Variants in GMDS observed in about 807,000 individuals in gnomAD.
GMDS encodes the protein GDP-mannose 4,6 dehydratase.
In GMDS, 20 loss-of-function variants were observed where a neutral mutation model predicts 49.9. The ratio of observed to expected loss-of-function variants is 0.40; its 90% CI spans 0.28 to 0.58. The LOEUF is 0.58. Ranked by LOEUF, GMDS falls within the 20% of genes least tolerant of loss-of-function variation. The pLI is 0.42. For missense variants in GMDS, 362 were observed against 481.4 expected (o/e 0.75, Z 2.32); for synonymous variants, 177 against 178.6 (o/e 0.99, Z 0.07).
At chr6:1,825,576 C>T (rs1404092582) in intron 7 of GMDS, among the ~76,000 whole-genome samples, 1 of 152,188 alleles carries the variant, frequency 6.6e-6, no homozygotes, top group Non-Finnish European at 1.5e-5. Flanking sequence ...GTCTACTATA[C>T]AACTAGGCCA....
intron 9 of GMDS, among the ~76,000 whole-genome samples, chr6:1,649,285 C>T (rs1388962719): frequency 6.6e-6 from 1 of 152,170 alleles, no homozygotes; most frequent in African/African-American, 2.4e-5. Context: ...TGTGATTCAC[C>T]TCAACCCGTG....
intron 4 of GMDS, among the ~76,000 whole-genome samples, chr6:1,973,163 A>G (rs1764712885): frequency 1.3e-5 from 2 of 152,228 alleles, no homozygotes; most frequent in Non-Finnish European, 2.9e-5. Context: ...ATTGCTACAT[A>G]ACCAATTGCT....
intron 4 of GMDS, among the ~76,000 whole-genome samples, chr6:2,023,676 C>A (rs556257325): frequency 1.3e-5 from 2 of 152,324 alleles, no homozygotes; most frequent in Admixed American, 6.5e-5. Flanking sequence ...AAGCACTAAA[C>A]TGATTTTTCA....
intron 7 of GMDS, among the ~76,000 whole-genome samples, chr6:1,764,001 A>G (rs1307486225): frequency 3.3e-5 from 5 of 152,286 alleles, no homozygotes; most frequent in Non-Finnish European, 5.9e-5. Context: ...TGCAGGGGAA[A>G]GACAGAGCGG....
intron 6 of GMDS, among the ~76,000 whole-genome samples, chr6:1,959,124 A>G (rs963445184): frequency 6.6e-6 from 1 of 152,236 alleles, no homozygotes; most frequent in African/African-American, 2.4e-5. Context: ...CTTAAAGAAT[A>G]TAAAATTATA....
intron 4 of GMDS, among the ~76,000 whole-genome samples, chr6:1,975,885 G>A (rs1354078336): frequency 1.3e-5 from 2 of 152,188 alleles, no homozygotes; most frequent in Non-Finnish European, 2.9e-5. Flanking sequence ...AATAAGCAGA[G>A]TAGAAAGCAG....
At chr6:2,146,055 T>G (rs1776543591) in intron 1 of GMDS, among the ~76,000 whole-genome samples, 1 of 152,216 alleles carries the variant, frequency 6.6e-6, no homozygotes, top group South Asian at 2.1e-4. Flanking sequence ...TGAAAGATCC[T>G]GAGTTTTCAT....
At chr6:2,006,288 A>T (rs6899584) in intron 4 of GMDS, among the ~76,000 whole-genome samples, 69,579 of 150,660 alleles carry the variant, frequency 0.46, 16,294 homozygotes, top group African/African-American at 0.53. Flanking sequence ...AATAGCCAAG[A>T]GTAGTGGCCC....
intron 7 of GMDS, among the ~76,000 whole-genome samples, chr6:1,927,658 G>A (rs1483358766): frequency 1.3e-5 from 2 of 152,222 alleles, no homozygotes; most frequent in Non-Finnish European, 2.9e-5. Flanking sequence ...GAAGTGTTGT[G>A]CCCAGATGTG....
At chr6:2,003,365 C>T (rs932170509) in intron 4 of GMDS, among the ~76,000 whole-genome samples, 3 of 152,092 alleles carry the variant, frequency 2.0e-5, no homozygotes, top group African/African-American at 7.2e-5. Flanking sequence ...ATTAGGAAAC[C>T]ATAAGTAAAA....
At chr6:1,726,030 T>C (rs556210182) in intron 9 of GMDS, among the ~76,000 whole-genome samples, 20 of 152,274 alleles carry the variant, frequency 1.3e-4, no homozygotes, top group Non-Finnish European at 2.5e-4. Context: ...GACACAGACA[T>C]AGACATAGCT....
chr6:1,881,172 T>G (rs1340728410), intron 7 of GMDS, among the ~76,000 whole-genome samples: 2 of 152,018 alleles, frequency 1.3e-5, no homozygotes, highest in Non-Finnish European at 2.9e-5. Flanking sequence ...ACCGATAAAT[T>G]TAAAAGACCA....
chr6:2,093,021 T>C (rs1221161055), intron 4 of GMDS, among the ~76,000 whole-genome samples: 2 of 152,180 alleles, frequency 1.3e-5, no homozygotes, highest in Non-Finnish European at 2.9e-5. Context: ...TATCCTCTTT[T>C]TCTGGGCTCT....
At chr6:1,683,056 C>G (rs192417051) in intron 9 of GMDS, among the ~76,000 whole-genome samples, 10 of 152,258 alleles carry the variant, frequency 6.6e-5, no homozygotes, top group African/African-American at 2.2e-4. Context: ...ACTATGCCGA[C>G]GTCGACATCC....
intron 7 of GMDS, among the ~76,000 whole-genome samples, chr6:1,743,660 G>GC (rs746541535): frequency 1.3e-5 from 2 of 151,888 alleles, no homozygotes; most frequent in Non-Finnish European, 2.9e-5. Flanking sequence ...CACCAGCGCA[G>GC]CCCCGCTCCC....
chr6:2,222,223 T>C (rs368640512), intron 1 of GMDS, among the ~76,000 whole-genome samples: 2 of 152,162 alleles, frequency 1.3e-5, no homozygotes, highest in South Asian at 4.1e-4. Flanking sequence ...GGATTGAGTT[T>C]TGGAGCTTCT....
At chr6:2,093,283 C>T (rs1337939597) in intron 4 of GMDS, among the ~76,000 whole-genome samples, 4 of 151,994 alleles carry the variant, frequency 2.6e-5, no homozygotes, top group African/African-American at 4.8e-5. Flanking sequence ...AAAGAAGCAG[C>T]GAAAACACTT....
chr6:2,003,732 A>G (rs1428251922), intron 4 of GMDS, among the ~76,000 whole-genome samples: 1 of 152,222 alleles, frequency 6.6e-6, no homozygotes, highest in Non-Finnish European at 1.5e-5. Context: ...CTGTGCAATA[A>G]GGAAGGATAA....
intron 7 of GMDS, among the ~76,000 whole-genome samples, chr6:1,881,275 A>C (rs767479843): frequency 6.6e-6 from 1 of 152,222 alleles, no homozygotes; most frequent in Non-Finnish European, 1.5e-5. Flanking sequence ...GGGAGAAACA[A>C]ATGAGCAGAC....
Sources: gnomAD v4.1 joint callset for allele counts (sites outside exome capture counted in the v4.1 genomes callset) on GRCh38, gnomAD v4.1.1 for gene constraint, MANE v1.5 for transcripts, NCBI Gene and HGNC (gene_info 2026-07-23, HGNC 2026-07-21) for gene names.